The following CNTNAP2 variants were observed in gnomAD, a reference collection of about 807,000 sequenced individuals.
CNTNAP2 encodes the protein contactin associated protein 2.
CNTNAP2 carries 98 observed loss-of-function variants against 155.2 expected under a neutral mutation model. The observed-to-expected ratio is 0.63, with a 90% CI of 0.54 to 0.75. CNTNAP2 has a LOEUF of 0.75. CNTNAP2 is among the 30% of genes least tolerant of loss of function. The pLI is 0.00. For synonymous variants in CNTNAP2, 651 were observed against 631.2 expected (o/e 1.03, Z -0.47); for missense variants, 1,727 against 1,688.1 (o/e 1.02, Z -0.40).
intron 13 of CNTNAP2, among the ~76,000 whole-genome samples, chr7:147,769,178 C>T (rs183039231): frequency 3.9e-5 from 6 of 152,108 alleles, no homozygotes; most frequent in Admixed American, 3.3e-4. Context: ...TGCTAATTGG[C>T]AAGTAATACA....
intron 3 of CNTNAP2, among the ~76,000 whole-genome samples, chr7:146,842,340 C>T (rs1803744242): frequency 1.3e-5 from 2 of 152,082 alleles, no homozygotes. Flanking sequence ...TTGTCTTCTC[C>T]CTTTCTGGTG....
At chr7:147,417,756 T>C (rs1459854042) in intron 10 of CNTNAP2, among the ~76,000 whole-genome samples, 1 of 152,186 alleles carries the variant, frequency 6.6e-6, no homozygotes, top group Admixed American at 6.5e-5. Flanking sequence ...TTTTATAAGA[T>C]ATGCTGCATA....
chr7:147,080,059 C>T (rs1451569536), intron 4 of CNTNAP2, among the ~76,000 whole-genome samples: 1 of 148,264 alleles, frequency 6.7e-6, no homozygotes, highest in African/African-American at 2.5e-5. Context: ...GGTTAGAACC[C>T]TCTAGCTTGA....
chr7:147,126,956 T>C (rs893448035), intron 6 of CNTNAP2, among the ~76,000 whole-genome samples: 18 of 152,100 alleles, frequency 1.2e-4, no homozygotes, highest in Middle Eastern at 3.2e-3. Context: ...ACAGGGAAAC[T>C]GTAAGGATAA....
chr7:148,405,113 G>A (rs1156285038), intron 22 of CNTNAP2, among the ~76,000 whole-genome samples: 2 of 152,062 alleles, frequency 1.3e-5, no homozygotes, highest in African/African-American at 4.8e-5. Context: ...ACCCTTGCCA[G>A]GGACTCCACC....
intron 8 of CNTNAP2, among the ~76,000 whole-genome samples, chr7:147,227,949 G>A (rs1803585755): frequency 6.6e-6 from 1 of 152,178 alleles, no homozygotes; most frequent in Non-Finnish European, 1.5e-5. Flanking sequence ...ATCTTCATTT[G>A]CACTCTAATA....
In CNTNAP2 at chr7:147,926,561, T is replaced by G. The variant is rs571377739; in HGVS notation, c.2255+22840T>G. On this transcript the variant is annotated intron_variant, in intron 14 of 23. Coordinates refer to ENST00000361727, the MANE Select transcript of CNTNAP2 (RefSeq NM_014141.6). Reference sequence around the variant, plus strand: ...TTACTTGTTGAACACATTAAGTCACTGTGATCTACATGTAATTCCATCCTC... The same window carrying G: ...TTACTTGTTGAACACATTAAGTCACGGTGATCTACATGTAATTCCATCCTC... 3.9e-5 allele frequency among the ~76,000 whole-genome samples: 6 copies of G among 152,346 alleles called. No individual in the cohort carries two copies. The South Asian group carries it at 1.2e-3, about 32-fold the overall frequency.
intron 16 of CNTNAP2, among the ~76,000 whole-genome samples, chr7:148,119,146 C>T (rs1342820725): frequency 6.6e-6 from 1 of 152,082 alleles, no homozygotes; most frequent in Non-Finnish European, 1.5e-5. Context: ...CTGTGAGAGT[C>T]GGGGAGATCA....
intron 9 of CNTNAP2, among the ~76,000 whole-genome samples, chr7:147,351,682 T>C (rs1795969868): frequency 6.6e-6 from 1 of 151,764 alleles, no homozygotes; most frequent in South Asian, 2.1e-4. Context: ...TGCCCCCTCC[T>C]TTAAAAATCA....
intron 1 of CNTNAP2, among the ~76,000 whole-genome samples, chr7:146,532,020 AG>A (rs1394346987): frequency 6.6e-6 from 1 of 152,184 alleles, no homozygotes; most frequent in Non-Finnish European, 1.5e-5. Context: ...CATTAAAAAA[AG>A]AAAAATAAAA....
At chr7:147,961,174 AC>A (rs2116843002) in intron 14 of CNTNAP2, among the ~76,000 whole-genome samples, 1 of 152,116 alleles carries the variant, frequency 6.6e-6, no homozygotes, top group African/African-American at 2.4e-5. Context: ...CCCTGTCCTA[AC>A]TTCTATCTCC....
intron 9 of CNTNAP2, among the ~76,000 whole-genome samples, chr7:147,325,824 G>A (rs1297403680): frequency 6.6e-6 from 1 of 152,154 alleles, no homozygotes; most frequent in Non-Finnish European, 1.5e-5. Flanking sequence ...CACTATTGGT[G>A]TCTTCAGGAC....
At chr7:146,691,593 A>T (rs551024805) in intron 1 of CNTNAP2, among the ~76,000 whole-genome samples, 1 of 152,232 alleles carries the variant, frequency 6.6e-6, no homozygotes, top group Admixed American at 6.5e-5. Context: ...TAAAGCTGAA[A>T]ATTTGTAAGG....
At chr7:147,027,274 A>C (rs1326081550) in intron 3 of CNTNAP2, among the ~76,000 whole-genome samples, 1 of 152,204 alleles carries the variant, frequency 6.6e-6, no homozygotes, top group Non-Finnish European at 1.5e-5. Flanking sequence ...ATCACATTGC[A>C]CAAGAAGTGG....
chr7:146,563,087 T>C (rs559263512), intron 1 of CNTNAP2, among the ~76,000 whole-genome samples: 2 of 152,288 alleles, frequency 1.3e-5, no homozygotes, highest in South Asian at 2.1e-4. Context: ...ATCATTCTTA[T>C]GTGACTCTAA....
chr7:147,651,621 A>G (rs1245994299), intron 13 of CNTNAP2, among the ~76,000 whole-genome samples: 5 of 152,218 alleles, frequency 3.3e-5, no homozygotes, highest in East Asian at 3.9e-4. Context: ...CCATTGTCCT[A>G]TCTTTTCATT....
chr7:148,159,966 C>T (rs528961337), intron 17 of CNTNAP2, among the ~76,000 whole-genome samples: 16 of 152,182 alleles, frequency 1.1e-4, no homozygotes, highest in African/African-American at 3.1e-4. Flanking sequence ...CTGCTGGGCG[C>T]GGTGGCTCAC....
chr7:147,603,075 T>C (rs1342622175), intron 12 of CNTNAP2, among the ~76,000 whole-genome samples: 1 of 151,794 alleles, frequency 6.6e-6, no homozygotes, highest in Admixed American at 6.6e-5. Flanking sequence ...ACTTCCACAA[T>C]GGTTGAACTA....
chr7:147,459,030 C>G (rs1262374473), intron 10 of CNTNAP2, among the ~76,000 whole-genome samples: 2 of 152,080 alleles, frequency 1.3e-5, no homozygotes, highest in Non-Finnish European at 2.9e-5. Context: ...GAATATTACT[C>G]TAAATAGTGC....
Sources: gnomAD v4.1 joint callset for allele counts (sites outside exome capture counted in the v4.1 genomes callset) on GRCh38, gnomAD v4.1.1 for gene constraint, MANE v1.5 for transcripts, NCBI Gene and HGNC (gene_info 2026-07-23, HGNC 2026-07-21) for gene names.